GRID2: variants seen among roughly 807,000 people sequenced by gnomAD.
GRID2 encodes the protein glutamate ionotropic receptor delta type subunit 2.
A neutral mutation model predicts 114.8 loss-of-function variants in GRID2; 33 were observed. The ratio of observed to expected loss-of-function variants is 0.29; its 90% CI spans 0.22 to 0.38. GRID2 has a LOEUF of 0.38. GRID2 is among the 10% of genes least tolerant of loss of function. GRID2 has a pLI of 1.00. For synonymous variants in GRID2, 505 were observed against 449.9 expected (o/e 1.12, Z -1.55); for missense variants, 1,184 against 1,257.7 (o/e 0.94, Z 0.89).
At chr4:92,748,629 ATTG>A (rs1737272688) in intron 2 of GRID2, among the ~76,000 whole-genome samples, 1 of 129,996 alleles carries the variant, frequency 7.7e-6, no homozygotes, top group African/African-American at 2.9e-5. Context: ...ATTTAATTAA[ATTG>A]TATTATTATT....
At chr4:92,549,918 C>T (rs367996142) in intron 1 of GRID2, among the ~76,000 whole-genome samples, 47 of 151,884 alleles carry the variant, frequency 3.1e-4, no homozygotes, top group African/African-American at 1.1e-3. Context: ...TTCCATAGCT[C>T]TTTAGCTTTT....
At chr4:93,061,106 A>C (rs1472180484) in intron 2 of GRID2, among the ~76,000 whole-genome samples, 1 of 38,266 alleles carries the variant, frequency 2.6e-5, no homozygotes, top group Non-Finnish European at 5.0e-5. Context: ...CCATCTCAAA[A>C]TAAATAAATA....
chr4:92,791,027 C>G (rs1419602519), intron 2 of GRID2, among the ~76,000 whole-genome samples: 1 of 150,944 alleles, frequency 6.6e-6, no homozygotes, highest in Non-Finnish European at 1.5e-5. Flanking sequence ...TTATGTGCTT[C>G]TTGTGAGAAT....
At chr4:92,377,052 A>G (rs1185838276) in intron 1 of GRID2, among the ~76,000 whole-genome samples, 2 of 152,164 alleles carry the variant, frequency 1.3e-5, no homozygotes, top group African/African-American at 2.4e-5. Context: ...TTACTTATGC[A>G]AATTTCTGCA....
At chr4:93,403,003 G>T (rs1463359210) in intron 9 of GRID2, among the ~76,000 whole-genome samples, 2 of 152,048 alleles carry the variant, frequency 1.3e-5, no homozygotes, top group African/African-American at 4.8e-5. Context: ...CTTGAACCTG[G>T]AGGCAAGGTT....
chr4:92,600,038 G>A (rs1330321296), intron 2 of GRID2, among the ~76,000 whole-genome samples: 2,369 of 74,640 alleles, frequency 0.032, 55 homozygotes, highest in South Asian at 0.065. Flanking sequence ...GTGTGTGTGT[G>A]TGTGTGTATA....
At chr4:93,121,790 C>T (rs984520762) in intron 4 of GRID2, among the ~76,000 whole-genome samples, 1 of 152,170 alleles carries the variant, frequency 6.6e-6, no homozygotes. Flanking sequence ...TTTTCCGTTT[C>T]TTCACCAACA....
chr4:92,713,642 A>G (rs1485907649), intron 2 of GRID2, among the ~76,000 whole-genome samples: 3 of 151,556 alleles, frequency 2.0e-5, no homozygotes, highest in African/African-American at 7.3e-5. Flanking sequence ...CTACAGCTCC[A>G]TGTGGCTGGG....
At chr4:92,769,537 G>T (rs1738436641) in intron 2 of GRID2, among the ~76,000 whole-genome samples, 1 of 152,284 alleles carries the variant, frequency 6.6e-6, no homozygotes, top group Non-Finnish European at 1.5e-5. Flanking sequence ...CCCTAGCAGA[G>T]GTTCTCCATG....
chr4:93,600,577 G>A (rs1482270308), intron 13 of GRID2, among the ~76,000 whole-genome samples: 3 of 151,834 alleles, frequency 2.0e-5, no homozygotes, highest in Non-Finnish European at 1.5e-5. Flanking sequence ...CCAAATATTG[G>A]CAAAAATGTG....
chr4:93,136,775 A>T (rs1266314802), intron 4 of GRID2, among the ~76,000 whole-genome samples: 2 of 152,146 alleles, frequency 1.3e-5, no homozygotes, highest in Non-Finnish European at 1.5e-5. Context: ...ATACGACTTA[A>T]ATTTGTGATT....
intron 2 of GRID2, among the ~76,000 whole-genome samples, chr4:93,038,679 T>C (rs1328398141): frequency 6.6e-6 from 1 of 152,028 alleles, no homozygotes; most frequent in East Asian, 1.9e-4. Context: ...TAGTCCCAGC[T>C]ACTCGGGAGG....
At chr4:92,858,702 C>T (rs1221915071) in intron 2 of GRID2, among the ~76,000 whole-genome samples, 1 of 152,108 alleles carries the variant, frequency 6.6e-6, no homozygotes, top group Non-Finnish European at 1.5e-5. Flanking sequence ...GGACTACAGG[C>T]ACCCACCACC....
At chr4:92,537,785 GTGTGT>G (rs767008281) in intron 1 of GRID2, among the ~76,000 whole-genome samples, 667 of 57,540 alleles carry the variant, frequency 0.012, 4 homozygotes, top group African/African-American at 0.073. Flanking sequence ...AAAACTTGCG[GTGTGT>G]GTGTGTGTGT....
chr4:93,789,417 C>T (rs1183499385), intron 1 of GRID2, among the ~76,000 whole-genome samples: 1 of 152,156 alleles, frequency 6.6e-6, no homozygotes, highest in Non-Finnish European at 1.5e-5. Context: ...GTTAATGTCC[C>T]AGTGACAACT....
At chr4:92,836,085 T>C (rs1363206718) in intron 2 of GRID2, among the ~76,000 whole-genome samples, 1 of 152,126 alleles carries the variant, frequency 6.6e-6, no homozygotes, top group African/African-American at 2.4e-5. Context: ...TGTAAATAGC[T>C]TTTTTTGGAA....
chr4:92,343,575 A>ATT (rs890962092), intron 1 of GRID2, among the ~76,000 whole-genome samples: 1 of 152,004 alleles, frequency 6.6e-6, no homozygotes, highest in African/African-American at 2.4e-5. Context: ...ATGTGTTTAT[A>ATT]TTATATATAT....
intron 14 of GRID2, among the ~76,000 whole-genome samples, chr4:93,707,659 A>G (rs150013181): frequency 6.2e-4 from 93 of 149,298 alleles, no homozygotes; most frequent in Non-Finnish European, 1.3e-3. Flanking sequence ...TCTTTTATTG[A>G]TCTTTTGTAT....
At chr4:92,952,560 T>C (rs1752111651) in intron 2 of GRID2, among the ~76,000 whole-genome samples, 1 of 152,218 alleles carries the variant, frequency 6.6e-6, no homozygotes, top group African/African-American at 2.4e-5. Flanking sequence ...CATAGTCTAG[T>C]ACAATTATAT....
Sources: gnomAD v4.1 joint callset for allele counts (sites outside exome capture counted in the v4.1 genomes callset) on GRCh38, gnomAD v4.1.1 for gene constraint, MANE v1.5 for transcripts, NCBI Gene and HGNC (gene_info 2026-07-23, HGNC 2026-07-21) for gene names.